Variants in ZAN observed in about 807,000 individuals in gnomAD.
ZAN encodes the protein zonadhesin, also known as zonadhesin (gene/pseudogene).
Under a neutral mutation model 286.2 loss-of-function variants are expected in ZAN, and 260 were observed. That is an observed-to-expected ratio of 0.91 (90% CI 0.82 to 1.01). ZAN has a LOEUF of 1.01. Ranked by LOEUF, ZAN falls within the 50% of genes least tolerant of loss-of-function variation. The pLI, the probability that ZAN is intolerant of heterozygous loss-of-function variation, is 0.00. For synonymous variants in ZAN, 1,368 were observed against 1,417.5 expected (o/e 0.97, Z 0.79); for missense variants, 3,410 against 3,639.2 (o/e 0.94, Z 1.62).
chr7:100,736,811 G>C lies in ZAN; in HGVS notation c.256G>C (p.Gly86Arg). 1.4e-6 allele frequency: 2 copies of C among 1,473,754 alleles called. No homozygotes were observed. The highest frequency in any genetic ancestry group is 1.8e-6 in the Non-Finnish European group (2 of 1,083,006). 91.3% of individuals were successfully genotyped at this position (1,473,754 alleles called of 1,614,324 possible). A position where few individuals can be genotyped will look rare whatever the true frequency, so the allele number is the denominator to read the frequency against. Residue 86 changes from glycine to arginine, a missense_variant and splice_region_variant, in exon 5 of 48, where the codon GGC becomes CGC. Coordinates refer to ENST00000613979, the MANE Select transcript of ZAN (RefSeq NM_003386.3). The stretch of plus-strand genomic sequence containing the variant: ...GTCTTGGGCTCTGCCTCCCCCAGAG[G>C]GCAGCTATCTGCATATGGAATCGAA... ...GAPGGYPNGEGSYLHMESNSF... is the reference protein window; with the variant it reads ...GAPGGYPNGERSYLHMESNSF...
Position 100,789,277 on chromosome 7 carries a change from G to T in ZAN, c.7287G>T (p.Leu2429=), listed in dbSNP as rs761366374. 7 of 1,613,784 alleles carry T rather than the reference G, an allele frequency of 4.3e-6. No homozygotes were observed. In the East Asian group the frequency reaches 8.9e-5, roughly 21 times the overall value. The change falls in exon 39 of 48, where the codon CTG becomes CTT. Residue 2429 remains leucine, a synonymous_variant. Coordinates refer to ENST00000613979, the MANE Select transcript of ZAN (RefSeq NM_003386.3). Reference sequence around the variant, plus strand: ...CAAATGAACACCTGCGGGTCACCCTGTGGGGCCAACGGCTCTACCTGGTCA... The same window carrying T: ...CAAATGAACACCTGCGGGTCACCCTTTGGGGCCAACGGCTCTACCTGGTCA... The part of the protein sequence containing the change: ...YRPNEHLRVT[L]WGQRLYLVTD...
chr7:100,739,823 A>T lies in ZAN; in HGVS notation c.766+1210A>T, dbSNP rs1390416506. Among the ~76,000 whole-genome samples, 6 of 137,820 alleles carry T rather than the reference A, an allele frequency of 4.4e-5. 1 individual carries two copies. Among genetic ancestry groups the T allele is most frequent in the African/African-American group, 1.6e-4 (6 of 37,546 alleles). The allele number at this position is 137,820 out of a possible 152,430, so 90.4% of individuals were successfully genotyped here. On this transcript the variant is annotated intron_variant, in intron 7 of 47. Coordinates refer to ENST00000613979, the MANE Select transcript of ZAN (RefSeq NM_003386.3). ...CAGGTGTACACCACCACGCCCAGCT[A>T]ATTTTTGTGTTTTTAGTAGAGACGG...
In ZAN at chr7:100,752,805, C is replaced by T; in HGVS notation, c.2700C>T (p.Thr900=). 6.3e-7 allele frequency: 1 copy of T among 1,592,804 alleles called. No homozygotes were observed. Among genetic ancestry groups the T allele is most frequent in the Non-Finnish European group, 8.6e-7 (1 of 1,167,850 alleles). ...CTACCATCTCCACAGAAAAACTCAC[C>T]ATCCCCACAGAAAAACCCACCATCT... is the stretch of plus-strand genomic sequence containing the variant. ...EETTISTEKL[T]IPTEKPTISP... Residue 900 remains threonine, a synonymous_variant, in exon 14 of 48, where the codon ACC becomes ACT. Coordinates refer to ENST00000613979, the MANE Select transcript of ZAN (RefSeq NM_003386.3).
At chr7:100,734,546 G>A (rs1807169418) in intron 2 of ZAN, among the ~76,000 whole-genome samples, 1 of 138,204 alleles carries the variant, frequency 7.2e-6, no homozygotes, top group Admixed American at 7.2e-5. Context: ...TTGAACCTGG[G>A]AGGCGGAGTT....
chr7:100,791,943 C>T, intron 40 of ZAN, 23 bp from the exon 41 acceptor site: 1 of 1,598,760 alleles, frequency 6.3e-7, no homozygotes, highest in Non-Finnish European at 8.5e-7. Flanking sequence ...CCTCACCTGA[C>T]CCCGTGGCTG....
intron 18 of ZAN, 150 bp downstream of exon 18, chr7:100,759,995 C>A: frequency 1.5e-6 from 2 of 1,318,928 alleles, no homozygotes; most frequent in Non-Finnish European, 2.0e-6. Context: ...GGGAGGATTG[C>A]TTGAGGCCAG....
chr7:100,755,288 A>T lies in ZAN; in HGVS notation c.3187A>T (p.Arg1063Trp), dbSNP rs768356665. Residue 1063 changes from arginine (R) to tryptophan (W), a missense_variant, in exon 15 of 48, where the codon AGG becomes TGG. By Grantham distance (101) the Arg-to-Trp change is moderately radical (BLOSUM62 -3). Coordinates refer to ENST00000613979, the MANE Select transcript of ZAN (RefSeq NM_003386.3). ...TTGTCCTGCTTCGTGCAAGAGCCCC[A>T]GGCCTAGCTGTGGGCCCCTCTGTCG... is the stretch of plus-strand genomic sequence containing the variant. The part of the protein sequence containing the change: ...CACPASCKSP[R>W]PSCGPLCREG... 1 of 1,613,868 alleles carries T rather than the reference A, an allele frequency of 6.2e-7. No homozygotes were observed. The highest frequency in any genetic ancestry group is 8.5e-7 in the Non-Finnish European group (1 of 1,179,856).
chr7:100,780,561 C>A (rs985782703), intron 35 of ZAN, among the ~76,000 whole-genome samples: 1 of 151,602 alleles, frequency 6.6e-6, no homozygotes, highest in Non-Finnish European at 1.5e-5. Flanking sequence ...GTGGTCCCAG[C>A]TACTTGTGGG....
intron 7 of ZAN, among the ~76,000 whole-genome samples, chr7:100,739,147 G>C (rs945936594): frequency 7.4e-6 from 1 of 134,600 alleles, no homozygotes; most frequent in Non-Finnish European, 1.6e-5. Context: ...AAGTAGCTGA[G>C]ACTGCAGGCG....
intron 40 of ZAN, 76 bp from the exon 41 acceptor site, chr7:100,791,890 G>C: frequency 6.0e-6 from 9 of 1,490,352 alleles, no homozygotes; most frequent in Non-Finnish European, 8.1e-6. Context: ...ACCATGCCCG[G>C]CTAATCAGTT....
intron 17 of ZAN, among the ~76,000 whole-genome samples, 160 bp from the exon 18 acceptor site, chr7:100,759,561 C>T (rs559734665): frequency 6.6e-6 from 1 of 151,940 alleles, no homozygotes; most frequent in African/African-American, 2.4e-5. Flanking sequence ...AAGAGGCAGT[C>T]GTGGTCTGCT....
chr7:100,733,922 C>G (rs1250393526), intron 1 of ZAN, 105 bp from the exon 2 acceptor site: 2 of 342,288 alleles, frequency 5.8e-6, no homozygotes, highest in African/African-American at 4.6e-5. Flanking sequence ...CTTTTTGTTT[C>G]TTTCTCTTTT....
In ZAN at chr7:100,795,333, C is replaced by A; in HGVS notation, c.8263C>A (p.Pro2755Thr). Residue 2755 changes from proline (P) to threonine (T), a missense_variant, in exon 45 of 48, where the codon CCA (proline) becomes ACA (threonine). By Grantham distance (38) the Pro-to-Thr change is conservative (BLOSUM62 -1). This residue lies in a region of ZAN where 1,289 missense variants were observed against 1,314.3 expected (regional missense o/e 0.98). Coordinates refer to ENST00000613979, the MANE Select transcript of ZAN (RefSeq NM_003386.3). ...TCGAGATGCGCCACCTCCCAGAAAG[C>A]CAGGTGAGGGCATCGTCCAAGGCCC... ...EPRDAPPPRKPASNLVGVLLG... is the reference protein window; with the variant it reads ...EPRDAPPPRKTASNLVGVLLG... 1 of 1,585,114 alleles carries A rather than the reference C, an allele frequency of 6.3e-7. No individual in the cohort carries two copies. Among genetic ancestry groups the A allele is most frequent in the Non-Finnish European group, 8.6e-7 (1 of 1,163,444 alleles).
At chr7:100,745,335 T>C (rs1808121940) in intron 7 of ZAN, among the ~76,000 whole-genome samples, 1 of 151,404 alleles carries the variant, frequency 6.6e-6, no homozygotes. Context: ...TCGGCAGGAG[T>C]GAGCGCGCGC....
At chr7:100,766,930 C>G in intron 24 of ZAN, 80 bp from the exon 25 acceptor site, 1 of 1,575,664 alleles carries the variant, frequency 6.3e-7, no homozygotes, top group Non-Finnish European at 8.6e-7. Flanking sequence ...CCAATGTGGG[C>G]TCTCCAGGAT....
At chr7:100,784,358 GA>G (rs1366116115) in intron 35 of ZAN, among the ~76,000 whole-genome samples, 1 of 151,936 alleles carries the variant, frequency 6.6e-6, no homozygotes, top group Non-Finnish European at 1.5e-5. Flanking sequence ...TCGATCTCCT[GA>G]CCTTGTGATC....
At chr7:100,791,465 G>A (rs1811956118) in intron 40 of ZAN, among the ~76,000 whole-genome samples, 1 of 151,874 alleles carries the variant, frequency 6.6e-6, no homozygotes, top group African/African-American at 2.4e-5. Flanking sequence ...GGAGTGCAGT[G>A]GCATGATCTC....
At chr7:100,766,320 A>G (rs1439028871) in intron 23 of ZAN, among the ~76,000 whole-genome samples, 1 of 152,164 alleles carries the variant, frequency 6.6e-6, no homozygotes, top group Admixed American at 6.6e-5. Flanking sequence ...AATGATGAAC[A>G]GACCCAGAAA....
chr7:100,751,654 A>G, intron 13 of ZAN, 58 bp from the exon 14 acceptor site: 1 of 1,514,232 alleles, frequency 6.6e-7, no homozygotes, highest in Non-Finnish European at 8.8e-7. Flanking sequence ...AGATGGCAGT[A>G]AAGAGGGTGG....
Sources: allele counts gnomAD v4.1 joint callset (sites outside exome capture counted in the v4.1 genomes callset), GRCh38; gene constraint gnomAD v4.1.1; regional missense constraint gnomAD v4.1.1; transcripts MANE v1.5; gene names NCBI Gene and HGNC (gene_info 2026-07-23, HGNC 2026-07-21).